Variants in GDNF observed in about 807,000 individuals in gnomAD.
GDNF encodes glial cell line-derived neurotrophic factor.
In GDNF, 5 loss-of-function variants were observed where a neutral mutation model predicts 13.7. That is an observed-to-expected ratio of 0.36 (90% CI 0.19 to 0.77). The LOEUF (loss-of-function observed/expected upper bound fraction) is 0.77. Ranked by LOEUF, GDNF falls within the 30% of genes least tolerant of loss-of-function variation. The probability of loss-of-function intolerance (pLI) is 0.51; values close to 1 mark genes in which losing one functional copy is unlikely to be tolerated. For missense variants in GDNF, 246 were observed against 274.3 expected (o/e 0.90, Z 0.73); for synonymous variants, 122 against 112.5 (o/e 1.08, Z -0.53).
intron 2 of GDNF, among the ~76,000 whole-genome samples, chr5:37,833,504 T>C (rs1750594226): frequency 6.6e-6 from 1 of 152,246 alleles, no homozygotes; most frequent in African/African-American, 2.4e-5. Flanking sequence ...AAGGTGCTTT[T>C]GTTGCTATAA....
chr5:37,818,197 G>A (rs1749999611), intron 2 of GDNF, among the ~76,000 whole-genome samples: 1 of 152,204 alleles, frequency 6.6e-6, no homozygotes, highest in African/African-American at 2.4e-5. Context: ...CTTCCATCCA[G>A]GAGAGGCCTG....
intron 2 of GDNF, among the ~76,000 whole-genome samples, chr5:37,825,664 T>C (rs1750287084): frequency 6.6e-6 from 1 of 152,184 alleles, no homozygotes. Flanking sequence ...GTGGAGTCTC[T>C]CCTTTCTTCT....
intron 1 of GDNF, 162 bp from the exon 2 acceptor site, chr5:37,834,984 C>G (rs947621557): frequency 1.2e-4 from 76 of 637,536 alleles, no homozygotes; most frequent in Non-Finnish European, 1.7e-4. Context: ...TTGCAAGTCC[C>G]CAGTTCGCTT....
intron 2 of GDNF, among the ~76,000 whole-genome samples, chr5:37,829,842 T>C (rs1196815532): frequency 6.6e-6 from 1 of 152,214 alleles, no homozygotes; most frequent in Non-Finnish European, 1.5e-5. Context: ...TTTTCCAGAC[T>C]GGGGCCAGAA....
intron 2 of GDNF, among the ~76,000 whole-genome samples, chr5:37,819,696 G>A (rs753815252): frequency 4.0e-5 from 6 of 151,882 alleles, no homozygotes; most frequent in Non-Finnish European, 8.8e-5. Context: ...CAGGTGATCC[G>A]TCCGCCTCAG....
At chr5:37,833,210 T>C (rs1288631416) in intron 2 of GDNF, among the ~76,000 whole-genome samples, 1 of 152,236 alleles carries the variant, frequency 6.6e-6, no homozygotes, top group African/African-American at 2.4e-5. Context: ...TGCCACTGTG[T>C]TCCTGTCCCT....
rs564333453 is a variant in GDNF, at chr5:37,815,729, A to C, written c.558T>G (p.Asp186Glu). Residue 186 changes from aspartate to glutamate, a missense_variant, in exon 3 of 3, where the codon GAT becomes GAG. Coordinates refer to ENST00000326524, the MANE Select transcript of GDNF (RefSeq NM_000514.4). This position sits in a 1 kb window ranked among gnomAD's most constrained non-coding sequence, Gnocchi z 5.0. ...QACCRPIAFD[D>E]DLSFLDDNLV... ...GGTTATCATCTAAAAACGACAGGTC[A>C]TCATCAAAGGCGATGGGTCTGCAAC... is the stretch of plus-strand genomic sequence containing the variant. 1 of 1,613,980 alleles carries C rather than the reference A, an allele frequency of 6.2e-7. No individual in the cohort carries two copies. Among genetic ancestry groups the C allele is most frequent in the Admixed American group, 1.7e-5 (1 of 60,030 alleles).
intron 1 of GDNF, chr5:37,835,049 T>C (rs1057176450): frequency 6.8e-6 from 4 of 585,038 alleles, no homozygotes; most frequent in South Asian, 2.1e-5. Context: ...AGGTTGCAGC[T>C]GCCCTTCTCC....
intron 2 of GDNF, chr5:37,823,936 G>T: frequency 2.7e-6 from 1 of 374,622 alleles, no homozygotes; most frequent in Non-Finnish European, 3.7e-6. Context: ...AGCTCAGCCA[G>T]TACCATCAGG....
At chr5:37,835,762 A>C in intron 1 of GDNF, 1 of 983,164 alleles carries the variant, frequency 1.0e-6, no homozygotes, top group East Asian at 2.6e-5. Context: ...CCCCTCCCAG[A>C]GGAGTCACTG....
At chr5:37,835,510 A>G (rs958794486) in intron 1 of GDNF, 2 of 1,495,910 alleles carry the variant, frequency 1.3e-6, no homozygotes, top group African/African-American at 1.4e-5. Context: ...GGTTTAAGTT[A>G]CTTAACTTCC....
chr5:37,835,410 C>A, intron 1 of GDNF: 1 of 1,412,918 alleles, frequency 7.1e-7, no homozygotes, highest in South Asian at 1.6e-5. Flanking sequence ...CTGCCGCCCA[C>A]ACCTCATTCT....
At position 37,815,197 on chromosome 5, in the gene GDNF, A is replaced by G. The variant is rs1749865151; in HGVS notation, c.*454T>C. 1 of 187,780 alleles carries G rather than the reference A, an allele frequency of 5.3e-6. No individual in the cohort carries two copies. The highest frequency in any genetic ancestry group is 2.4e-5 in the African/African-American group (1 of 42,254). The allele number at this position is 187,780 out of a possible 1,614,324, so 11.6% of individuals were successfully genotyped here. A position where few individuals can be genotyped will look rare whatever the true frequency, so the allele number is the denominator to read the frequency against. On this transcript the variant is annotated 3_prime_UTR_variant, in exon 3 of 3. Transcript: ENST00000326524. This position sits in a 1 kb window ranked among gnomAD's most constrained non-coding sequence, Gnocchi z 5.0. Reference sequence around the variant, plus strand: ...TTACTTTCAGCAGTAAAACGTAATAACAAGGAACAACACCAGGATCTCTGT... The same window carrying G: ...TTACTTTCAGCAGTAAAACGTAATAGCAAGGAACAACACCAGGATCTCTGT...
intron 2 of GDNF, among the ~76,000 whole-genome samples, chr5:37,821,079 A>G (rs1750120928): frequency 6.6e-6 from 1 of 152,218 alleles, no homozygotes; most frequent in African/African-American, 2.4e-5. Context: ...TCTTAGAGCC[A>G]GCCTCAATTT....
At chr5:37,820,352 G>T (rs528157778) in intron 2 of GDNF, among the ~76,000 whole-genome samples, 4 of 152,174 alleles carry the variant, frequency 2.6e-5, no homozygotes, top group African/African-American at 9.7e-5. Flanking sequence ...AGCACTTATA[G>T]TGTTCTTTTT....
chr5:37,835,603 A>T, intron 1 of GDNF: 1 of 1,536,520 alleles, frequency 6.5e-7, no homozygotes, highest in South Asian at 1.2e-5. Flanking sequence ...CTCTAGCGGA[A>T]CATGTAGTAA....
chr5:37,828,662 A>C (rs1411530147), intron 2 of GDNF, among the ~76,000 whole-genome samples: 1 of 152,174 alleles, frequency 6.6e-6, no homozygotes, highest in Non-Finnish European at 1.5e-5. Context: ...TAGGTTTGTG[A>C]CCCGGAACAA....
chr5:37,836,213 T>C (rs977034071), intron 1 of GDNF, among the ~76,000 whole-genome samples: 2 of 151,924 alleles, frequency 1.3e-5, no homozygotes, highest in African/African-American at 2.4e-5. Flanking sequence ...TTTTTTCCCA[T>C]GCGGGAGGGA....
chr5:37,834,920 G>T, intron 1 of GDNF, 98 bp from the exon 2 acceptor site: 4 of 1,079,126 alleles, frequency 3.7e-6, no homozygotes, highest in Non-Finnish European at 5.4e-6. Flanking sequence ...CCTCGTCACC[G>T]CCCTCCTCCG....
Sources: allele counts gnomAD v4.1 joint callset (sites outside exome capture counted in the v4.1 genomes callset), GRCh38; gene constraint gnomAD v4.1.1; non-coding constraint Gnocchi (gnomAD v3.1); transcripts MANE v1.5; gene names NCBI Gene and HGNC (gene_info 2026-07-23, HGNC 2026-07-21).